The following MGMT variants were observed in gnomAD, a reference collection of about 807,000 sequenced individuals.
MGMT encodes methylated-DNA--protein-cysteine methyltransferase.
A neutral mutation model predicts 15.9 loss-of-function variants in MGMT; 14 were observed. That is an observed-to-expected ratio of 0.88 (90% CI 0.58 to 1.37). The LOEUF is 1.37. MGMT is among the 40% of genes most tolerant of loss of function. MGMT has a pLI of 0.00. For missense variants in MGMT, 282 were observed against 268.1 expected, an observed-to-expected ratio of 1.05 and a Z score of -0.36; for synonymous variants, 130 against 118.2, an observed-to-expected ratio of 1.10 and a Z score of -0.65.
intron 2 of MGMT, among the ~76,000 whole-genome samples, chr10:129,654,327 C>G (rs1162911747): frequency 6.6e-6 from 1 of 152,162 alleles, no homozygotes; most frequent in Non-Finnish European, 1.5e-5. Context: ...GGTACAGAGA[C>G]AGGCCTGGGA....
chr10:129,510,157 G>A (rs1344299847), intron 1 of MGMT, among the ~76,000 whole-genome samples: 1 of 152,184 alleles, frequency 6.6e-6, no homozygotes, highest in East Asian at 1.9e-4. Context: ...GGGCATCTAA[G>A]GAAAGGAAAT....
intron 2 of MGMT, among the ~76,000 whole-genome samples, chr10:129,671,174 A>G (rs1222895286): frequency 2.0e-5 from 3 of 152,236 alleles, no homozygotes; most frequent in African/African-American, 7.2e-5. Context: ...TAAATACATT[A>G]TGTTTGGAAA....
At position 129,556,056 on chromosome 10, in the gene MGMT, A is replaced by T. The variant is rs1353609784; in HGVS notation, c.125+19679A>T. Among the ~76,000 whole-genome samples the T allele has an allele frequency of 6.6e-6, 1 of 152,094 alleles. No individual in the cohort carries two copies. Among genetic ancestry groups the T allele is most frequent in the East Asian group, 1.9e-4 (1 of 5,178 alleles). ...ATCAGCTGTGAAATGTGGGCTTCCA[A>T]GTGGTTTTGTGTCTCCTCAGTTTAC... On this transcript the variant is annotated intron_variant, in intron 2 of 4. Coordinates refer to ENST00000651593, the MANE Select transcript of MGMT (RefSeq NM_002412.5). The surrounding 1 kb of genome is among the most constrained non-coding windows in gnomAD (Gnocchi z 4.3).
Position 129,549,691 on chromosome 10 carries a change from A to G in MGMT, c.125+13314A>G, listed in dbSNP as rs184583857. Among the ~76,000 whole-genome samples the G allele has an allele frequency of 1.5e-3, 235 of 152,280 alleles. 2 individuals carry two copies. The highest frequency in any genetic ancestry group is 5.4e-3 in the African/African-American group (226 of 41,566). On this transcript the variant is annotated intron_variant, in intron 2 of 4. Transcript: ENST00000651593. ...AACAGTTTTGCTGGTTAAGCAGTCTAGAGATGATAAAATTTTTTGTCCGAG... is the reference window on the plus strand; with the variant it reads ...AACAGTTTTGCTGGTTAAGCAGTCTGGAGATGATAAAATTTTTTGTCCGAG...
At chr10:129,691,517 C>T (rs906088935) in intron 2 of MGMT, among the ~76,000 whole-genome samples, 4 of 152,182 alleles carry the variant, frequency 2.6e-5, no homozygotes, top group Non-Finnish European at 5.9e-5. Flanking sequence ...GAGCAGCCTT[C>T]AAGAGGACAG....
chr10:129,520,123 G>A (rs536009149), intron 1 of MGMT, among the ~76,000 whole-genome samples: 43 of 152,328 alleles, frequency 2.8e-4, no homozygotes, highest in South Asian at 1.2e-3. Context: ...AGCTCATGAC[G>A]TGTTCATCAG....
rs1425655976 is a variant in MGMT at position 129,610,324 on chromosome 10, C to A, written c.125+73947C>A. Among the ~76,000 whole-genome samples the A allele has an allele frequency of 2.0e-5, 3 of 152,156 alleles. No homozygotes were observed. The East Asian group carries it at 5.8e-4, about 29-fold the overall frequency. On this transcript the variant is annotated intron_variant, in intron 2 of 4. Coordinates refer to ENST00000651593, the MANE Select transcript of MGMT (RefSeq NM_002412.5). ...AGGCCCATGTCATCTGCAAGTCAAC[C>A]CTCAACCCTTTCTCTCTAAACTCCT...
At chr10:129,472,751 A>C (rs962510695) in intron 1 of MGMT, among the ~76,000 whole-genome samples, 5 of 152,216 alleles carry the variant, frequency 3.3e-5, no homozygotes, top group Non-Finnish European at 7.3e-5. Context: ...TTGCGGATGC[A>C]GAGTCGCTCT....
chr10:129,619,488 A>G (rs1847066431), intron 2 of MGMT, among the ~76,000 whole-genome samples: 1 of 152,152 alleles, frequency 6.6e-6, no homozygotes, highest in African/African-American at 2.4e-5. Flanking sequence ...AGGCTTTATT[A>G]TCGGGGTAAT....
intron 2 of MGMT, among the ~76,000 whole-genome samples, chr10:129,670,869 A>T (rs1847714215): frequency 6.6e-6 from 1 of 152,224 alleles, no homozygotes; most frequent in Non-Finnish European, 1.5e-5. Context: ...ATGTATGAAA[A>T]GATTTAATTT....
At chr10:129,693,492 C>T (rs563467616) in intron 2 of MGMT, among the ~76,000 whole-genome samples, 35 of 152,280 alleles carry the variant, frequency 2.3e-4, no homozygotes, top group African/African-American at 7.9e-4. Context: ...TCTCCAAGGC[C>T]TTGGGCTGCG....
chr10:129,536,209 TAC>T (rs1262204602), intron 1 of MGMT, 30 bp from the exon 2 acceptor site: 2 of 1,612,474 alleles, frequency 1.2e-6, no homozygotes, highest in Non-Finnish European at 1.7e-6. Flanking sequence ...CTCTTACCTA[TAC>T]ACTTTGTCTT....
chr10:129,511,998 C>T (rs999884003), intron 1 of MGMT, among the ~76,000 whole-genome samples: 1 of 152,206 alleles, frequency 6.6e-6, no homozygotes. Context: ...GATTTAAAGC[C>T]GCCTAGCTCA....
chr10:129,476,867 G>A (rs1453130199), intron 1 of MGMT, among the ~76,000 whole-genome samples: 3 of 152,218 alleles, frequency 2.0e-5, no homozygotes, highest in African/African-American at 7.2e-5. Context: ...ACCAGACTGA[G>A]TGGCAGGGTC....
At chr10:129,751,169 A>G (rs185819156) in intron 3 of MGMT, among the ~76,000 whole-genome samples, 2 of 152,198 alleles carry the variant, frequency 1.3e-5, no homozygotes, top group East Asian at 3.9e-4. Flanking sequence ...TCTTGGCCCT[A>G]GAGGTTTCTT....
intron 1 of MGMT, among the ~76,000 whole-genome samples, chr10:129,521,599 A>T (rs1214144738): frequency 6.6e-6 from 1 of 152,182 alleles, no homozygotes; most frequent in Non-Finnish European, 1.5e-5. Context: ...GCAGGAGTCC[A>T]GGCTCTCTCC....
intron 2 of MGMT, among the ~76,000 whole-genome samples, chr10:129,695,066 A>C (rs906859681): frequency 6.6e-6 from 1 of 152,200 alleles, no homozygotes; most frequent in Non-Finnish European, 1.5e-5. Flanking sequence ...TTCAAAATTA[A>C]ATATGACCTC....
rs1392972022 is a variant in MGMT at position 129,566,534 on chromosome 10, T to G, written c.125+30157T>G. 6.6e-6 allele frequency among the ~76,000 whole-genome samples: 1 copy of G among 152,160 alleles called. No individual in the cohort carries two copies. The highest frequency in any genetic ancestry group is 1.9e-4 in the East Asian group (1 of 5,180). The stretch of plus-strand genomic sequence containing the variant: ...CTTCCTCCCCGAGCTTCCCATTCCG[T>G]GTCTCTCTGGAGGGCCCATCATCAT... On this transcript the variant is annotated intron_variant, in intron 2 of 4. Transcript: ENST00000651593. The surrounding 1 kb of genome is among the most constrained non-coding windows in gnomAD (Gnocchi z 4.1).
At chr10:129,601,916 A>G (rs1846826938) in intron 2 of MGMT, among the ~76,000 whole-genome samples, 1 of 152,158 alleles carries the variant, frequency 6.6e-6, no homozygotes, top group South Asian at 2.1e-4. Flanking sequence ...GGTACATTAC[A>G]GCCATGGAAA....
Sources: gnomAD v4.1 joint callset for allele counts (sites outside exome capture counted in the v4.1 genomes callset) on GRCh38, gnomAD v4.1.1 for gene constraint, Gnocchi (gnomAD v3.1) non-coding constraint, MANE v1.5 for transcripts, NCBI Gene and HGNC (gene_info 2026-07-23, HGNC 2026-07-21) for gene names.